The following TMPRSS11A variants were observed in gnomAD, a reference collection of about 807,000 sequenced individuals.
The protein encoded by TMPRSS11A is transmembrane serine protease 11A, also known as transmembrane protease serine 11A.
A neutral mutation model predicts 58.9 loss-of-function variants in TMPRSS11A; 53 were observed. That is an observed-to-expected ratio of 0.90 (90% CI 0.72 to 1.13). The LOEUF is 1.13. TMPRSS11A is among the 50% of genes most tolerant of loss of function. The pLI is 0.00. For missense variants in TMPRSS11A, 493 were observed against 499.3 expected (o/e 0.99, Z 0.12); for synonymous variants, 167 against 169.8 (o/e 0.98, Z 0.13).
chr4:67,912,352 C>T (rs1223592733), intron 9 of TMPRSS11A, among the ~76,000 whole-genome samples: 1 of 151,934 alleles, frequency 6.6e-6, no homozygotes, highest in Non-Finnish European at 1.5e-5. Context: ...CTTACTTCTG[C>T]TCAAATTCGA....
rs574135118 is a variant in TMPRSS11A, at chr4:67,929,733, C to T, written c.481+147G>A. ...CATGCTTACGTTAGAGACTAATACA[C>T]CTTGAAATGTCACATCTTTAACTTG... On this transcript the variant is annotated intron_variant, in intron 5 of 9. Coordinates refer to ENST00000508048, the MANE Select transcript of TMPRSS11A (RefSeq NM_001114387.2). The T allele has an allele frequency of 1.0e-4, 76 of 753,886 alleles. No homozygotes were observed. In the East Asian group the frequency reaches 1.9e-3, roughly 19 times the overall value. 46.7% of individuals were successfully genotyped at this position (753,886 alleles called of 1,614,324 possible). A position where few individuals can be genotyped will look rare whatever the true frequency, so the allele number is the denominator to read the frequency against.
At chr4:67,913,777 C>T (rs1720068484) in intron 9 of TMPRSS11A, among the ~76,000 whole-genome samples, 1 of 152,220 alleles carries the variant, frequency 6.6e-6, no homozygotes, top group Non-Finnish European at 1.5e-5. Flanking sequence ...ATAGAGGTCG[C>T]ACATGTGGTA....
At chr4:67,944,753 T>C (rs1720962084) in intron 2 of TMPRSS11A, 116 bp from the exon 3 acceptor site, 2 of 792,786 alleles carry the variant, frequency 2.5e-6, no homozygotes, top group Non-Finnish European at 3.9e-6. Flanking sequence ...CATAATTGAG[T>C]TTTATTTAAA....
At chr4:67,958,135 G>T (rs1721333906) in intron 1 of TMPRSS11A, among the ~76,000 whole-genome samples, 1 of 152,180 alleles carries the variant, frequency 6.6e-6, no homozygotes, top group Non-Finnish European at 1.5e-5. Flanking sequence ...GAGAACCTCT[G>T]CTAGGGAAGT....
rs189974923 is a variant in TMPRSS11A, at chr4:67,915,744, G to A, written c.953-1014C>T. 4.6e-5 allele frequency among the ~76,000 whole-genome samples: 7 copies of A among 152,248 alleles called. No individual in the cohort carries two copies. In the East Asian group the frequency reaches 9.7e-4, roughly 21 times the overall value. On this transcript the variant is annotated intron_variant, in intron 8 of 9. Transcript: ENST00000508048. ...AGGAATTCTGCCAGCAAACCTTGAG[G>A]AGACCTTCAAAGGAGCCACAGATGT...
chr4:67,930,985 A>T (rs574878824), intron 4 of TMPRSS11A, among the ~76,000 whole-genome samples: 1 of 152,088 alleles, frequency 6.6e-6, no homozygotes, highest in Non-Finnish European at 1.5e-5. Context: ...ATTGGCAAAC[A>T]GATGACTAAT....
intron 9 of TMPRSS11A, 112 bp downstream of exon 9, chr4:67,914,476 T>C: frequency 1.0e-6 from 1 of 996,736 alleles, no homozygotes; most frequent in African/African-American, 1.7e-5. Flanking sequence ...TTTGTAACTT[T>C]TTTGAGCTGA....
chr4:67,939,952 G>A (rs371013502), intron 3 of TMPRSS11A, among the ~76,000 whole-genome samples: 1 of 152,274 alleles, frequency 6.6e-6, no homozygotes, highest in African/African-American at 2.4e-5. Flanking sequence ...GTCTCCCAAA[G>A]TGCTGGGATT....
chr4:67,951,588 AT>A (rs34015767), intron 1 of TMPRSS11A, among the ~76,000 whole-genome samples: 97,479 of 133,544 alleles, frequency 0.73, 35,236 homozygotes, highest in Non-Finnish European at 0.82. Context: ...TTGGGGGGAT[AT>A]TTTTTTTTTT....
At chr4:67,923,451 A>G (rs1399778028) in intron 6 of TMPRSS11A, among the ~76,000 whole-genome samples, 1 of 152,204 alleles carries the variant, frequency 6.6e-6, no homozygotes, top group East Asian at 1.9e-4. Context: ...GGCCACAGTG[A>G]TTTGAAGTGA....
At chr4:67,953,373 C>T (rs1417705283) in intron 1 of TMPRSS11A, among the ~76,000 whole-genome samples, 2 of 152,148 alleles carry the variant, frequency 1.3e-5, no homozygotes, top group African/African-American at 4.8e-5. Flanking sequence ...TATCTGATAA[C>T]TAATACAACC....
intron 8 of TMPRSS11A, among the ~76,000 whole-genome samples, chr4:67,918,191 C>T (rs1720211657): frequency 6.6e-6 from 1 of 152,132 alleles, no homozygotes; most frequent in Non-Finnish European, 1.5e-5. Flanking sequence ...TTTCTCAAGC[C>T]CAGTGTTAAA....
chr4:67,917,389 C>A (rs1460991845), intron 8 of TMPRSS11A, among the ~76,000 whole-genome samples: 1 of 151,920 alleles, frequency 6.6e-6, no homozygotes. Context: ...AATTGGTAAG[C>A]ATTTGGGGAT....
intron 7 of TMPRSS11A, among the ~76,000 whole-genome samples, chr4:67,921,477 G>T (rs1720329043): frequency 6.6e-6 from 1 of 152,066 alleles, no homozygotes; most frequent in South Asian, 2.1e-4. Flanking sequence ...GGGATGATAG[G>T]TAGGCACCAC....
At chr4:67,962,136 T>A (rs1387718702) in intron 1 of TMPRSS11A, among the ~76,000 whole-genome samples, 3 of 152,180 alleles carry the variant, frequency 2.0e-5, no homozygotes, top group African/African-American at 7.2e-5. Context: ...AGTCAAACAT[T>A]AATGCTAGAT....
intron 3 of TMPRSS11A, among the ~76,000 whole-genome samples, chr4:67,943,220 A>T (rs1024876700): frequency 6.6e-6 from 1 of 152,184 alleles, no homozygotes; most frequent in East Asian, 1.9e-4. Flanking sequence ...TTTCTGTTCA[A>T]CATGCACCTC....
At chr4:67,934,251 A>C (rs529157669) in intron 3 of TMPRSS11A, among the ~76,000 whole-genome samples, 1 of 152,314 alleles carries the variant, frequency 6.6e-6, no homozygotes, top group Admixed American at 6.5e-5. Flanking sequence ...TGGTAAAAAG[A>C]ATTCTGATAA....
At chr4:67,959,570 C>A (rs746210536) in intron 1 of TMPRSS11A, among the ~76,000 whole-genome samples, 2 of 152,144 alleles carry the variant, frequency 1.3e-5, no homozygotes, top group South Asian at 4.1e-4. Flanking sequence ...AGAAGACATA[C>A]AGGTGGACAA....
intron 1 of TMPRSS11A, among the ~76,000 whole-genome samples, chr4:67,958,754 TG>T (rs1449610025): frequency 3.3e-5 from 5 of 152,132 alleles, no homozygotes; most frequent in African/African-American, 1.2e-4. Flanking sequence ...AGGGGCAAAA[TG>T]ATATGGTTTG....
Sources: gnomAD v4.1 joint callset for allele counts (sites outside exome capture counted in the v4.1 genomes callset) on GRCh38, gnomAD v4.1.1 for gene constraint, MANE v1.5 for transcripts, NCBI Gene and HGNC (gene_info 2026-07-23, HGNC 2026-07-21) for gene names.